MRPL48: variants seen among roughly 807,000 people sequenced by gnomAD.
MRPL48 encodes large ribosomal subunit protein mL48.
A neutral mutation model predicts 32.9 loss-of-function variants in MRPL48; 16 were observed. That is an observed-to-expected ratio of 0.49 (90% CI 0.33 to 0.74). MRPL48 has a LOEUF of 0.74. Ranked by LOEUF, MRPL48 falls within the 30% of genes least tolerant of loss-of-function variation. The pLI, the probability that MRPL48 is intolerant of heterozygous loss-of-function variation, is 0.02. For missense variants in MRPL48, 206 were observed against 245.3 expected, an observed-to-expected ratio of 0.84 and a Z score of 1.07; for synonymous variants, 94 against 89.2, an observed-to-expected ratio of 1.05 and a Z score of -0.31.
At chr11:73,796,045 G>T (rs1947248660) in intron 1 of MRPL48, among the ~76,000 whole-genome samples, 1 of 152,200 alleles carries the variant, frequency 6.6e-6, no homozygotes, top group Non-Finnish European at 1.5e-5. Flanking sequence ...ATCTGGATTG[G>T]CCGCTGCCAT....
intron 1 of MRPL48, among the ~76,000 whole-genome samples, chr11:73,791,264 G>T (rs1412333185): frequency 6.6e-6 from 1 of 151,970 alleles, no homozygotes; most frequent in East Asian, 1.9e-4. Flanking sequence ...TGAAATGCAG[G>T]ATGAAAACCT....
At chr11:73,814,113 CCAGGTGTA>C (rs2134983517) in intron 3 of MRPL48, among the ~76,000 whole-genome samples, 1 of 151,582 alleles carries the variant, frequency 6.6e-6, no homozygotes, top group South Asian at 2.1e-4. Flanking sequence ...GTGGTCCAGA[CCAGGTGTA>C]GTGGGTTACG....
chr11:73,816,123 G>T (rs1383153898), intron 3 of MRPL48, among the ~76,000 whole-genome samples: 2 of 151,426 alleles, frequency 1.3e-5, no homozygotes, highest in Non-Finnish European at 2.9e-5. Context: ...GTGCAGTGGC[G>T]CGATCTCGGC....
At chr11:73,835,463 C>T (rs1948082840) in intron 4 of MRPL48, among the ~76,000 whole-genome samples, 1 of 152,174 alleles carries the variant, frequency 6.6e-6, no homozygotes, top group Non-Finnish European at 1.5e-5. Flanking sequence ...AGTAATTGAA[C>T]TAGCACTTTG....
chr11:73,802,282 C>A (rs1330712151), intron 1 of MRPL48: 4 of 152,172 alleles, frequency 2.6e-5, no homozygotes, highest in Admixed American at 6.5e-5. Context: ...CATCCAGATG[C>A]CTGAAGGACA....
chr11:73,796,211 G>A (rs59509741), intron 1 of MRPL48, among the ~76,000 whole-genome samples: 79 of 152,322 alleles, frequency 5.2e-4, no homozygotes, highest in African/African-American at 1.9e-3. Flanking sequence ...TCTTCCGAGT[G>A]CAGTTACGGC....
At chr11:73,844,423 C>T (rs1375766279) in intron 4 of MRPL48, among the ~76,000 whole-genome samples, 2 of 152,046 alleles carry the variant, frequency 1.3e-5, no homozygotes, top group Non-Finnish European at 2.9e-5. Context: ...CAGGGTGAGA[C>T]TGTCTCCAAA....
chr11:73,860,413 T>C (rs1948565504), intron 6 of MRPL48: 1 of 153,762 alleles, frequency 6.5e-6, no homozygotes, highest in Non-Finnish European at 1.4e-5. Flanking sequence ...CCTTTGAGCC[T>C]AATGTGTCAC....
intron 4 of MRPL48, 125 bp from the exon 5 acceptor site, chr11:73,844,682 G>A (rs1254541301): frequency 9.2e-7 from 1 of 1,089,138 alleles, no homozygotes; most frequent in Non-Finnish European, 1.3e-6. Flanking sequence ...TTGTAGGTGG[G>A]GTAACCTGAG....
chr11:73,851,918 T>TAC (rs35410725), intron 5 of MRPL48, among the ~76,000 whole-genome samples: 1,794 of 149,354 alleles, frequency 0.012, 26 homozygotes, highest in African/African-American at 0.025. Flanking sequence ...TCAGGGAACG[T>TAC]ACACACACAC....
At chr11:73,825,632 C>A in intron 3 of MRPL48, 76 bp from the exon 4 acceptor site, 1 of 1,298,556 alleles carries the variant, frequency 7.7e-7, no homozygotes, top group Non-Finnish European at 1.1e-6. Context: ...GGTGACAGAG[C>A]AAGACCCTGT....
chr11:73,798,323 A>G (rs1947296307), intron 1 of MRPL48, among the ~76,000 whole-genome samples: 3 of 151,994 alleles, frequency 2.0e-5, no homozygotes, highest in Admixed American at 2.0e-4. Flanking sequence ...CAAACTCCTG[A>G]CCTCAGGTGA....
rs116460873 is a variant in MRPL48, at chr11:73,852,568, A to T, written c.372-7339A>T. On this transcript the variant is annotated intron_variant, in intron 5 of 7. Coordinates refer to ENST00000310614, the MANE Select transcript of MRPL48 (RefSeq NM_016055.6). ...AACTACAGTGAGATATCATCTCATCATGGCTTTTATCCAAAAGACAGGCAA... is the reference window on the plus strand; with the variant it reads ...AACTACAGTGAGATATCATCTCATCTTGGCTTTTATCCAAAAGACAGGCAA... Among the ~76,000 whole-genome samples, 817 of 152,260 alleles carry T rather than the reference A, an allele frequency of 5.4e-3. 8 individuals carry two copies. The highest frequency in any genetic ancestry group is 0.018 in the African/African-American group (739 of 41,560).
At chr11:73,856,066 T>C (rs7951088) in intron 5 of MRPL48, among the ~76,000 whole-genome samples, 8,574 of 152,280 alleles carry the variant, frequency 0.056, 268 homozygotes, top group Middle Eastern at 0.11. Flanking sequence ...AGGCACTGAA[T>C]ACAGACTTGT....
chr11:73,788,036 C>CGGTGCAGAGAGGGGAGATGGCGGAG (rs1565395354), intron 1 of MRPL48, 44 bp downstream of exon 1: 13 of 1,463,276 alleles, frequency 8.9e-6, no homozygotes, highest in South Asian at 6.3e-5. Context: ...AGATGGCGGA[C>CGGTGCAGAGAGGGGAGATGGCGGAG]GGTGCAGAGA....
chr11:73,834,528 G>GTTTTTTTTTTTTTTTTTTTTT (rs11444489), intron 4 of MRPL48, among the ~76,000 whole-genome samples: 1 of 142,788 alleles, frequency 7.0e-6, no homozygotes, highest in Non-Finnish European at 1.5e-5. Flanking sequence ...GTTTTTGCTG[G>GTTTTTTTTTTTTTTTTTTTTT]TTTTTTTTTT....
rs912703389 is a variant in MRPL48 at position 73,787,920 on chromosome 11, T to C, written c.-52T>C. The C allele has an allele frequency of 2.2e-5, 35 of 1,602,214 alleles. No homozygotes were observed. The highest frequency in any genetic ancestry group is 3.0e-5 in the Non-Finnish European group (35 of 1,173,136). ...TTTTCAGACGCCCTGGGAACGCGGCTGCAGGGTCCGGTCTTCGGTTTGCAC... is the reference window on the plus strand; with the variant it reads ...TTTTCAGACGCCCTGGGAACGCGGCCGCAGGGTCCGGTCTTCGGTTTGCAC... On this transcript the variant is annotated 5_prime_UTR_variant, in exon 1 of 8. Coordinates refer to ENST00000310614, the MANE Select transcript of MRPL48 (RefSeq NM_016055.6).
intron 7 of MRPL48, 22 bp from the exon 8 acceptor site, chr11:73,864,274 A>G: frequency 6.2e-7 from 1 of 1,609,548 alleles, no homozygotes; most frequent in Non-Finnish European, 8.5e-7. Flanking sequence ...ATTACCGCTT[A>G]TTTTCTTTTT....
At chr11:73,823,652 C>CTTTTTTT (rs1947824452) in intron 3 of MRPL48, among the ~76,000 whole-genome samples, 1 of 101,216 alleles carries the variant, frequency 9.9e-6, no homozygotes, top group African/African-American at 4.2e-5. Context: ...CTTTTCTTTT[C>CTTTTTTT]TGTTTTTTTT....
Sources: allele counts gnomAD v4.1 joint callset (sites outside exome capture counted in the v4.1 genomes callset), GRCh38; gene constraint gnomAD v4.1.1; transcripts MANE v1.5; gene names NCBI Gene and HGNC (gene_info 2026-07-23, HGNC 2026-07-21).